The following NFS1 variants were observed in gnomAD, a reference collection of about 807,000 sequenced individuals.
The protein encoded by NFS1 is NFS1 cysteine desulfurase, also known as cysteine desulfurase.
Under a neutral mutation model 57.3 loss-of-function variants are expected in NFS1, and 26 were observed. That is an observed-to-expected ratio of 0.45 (90% CI 0.33 to 0.63). NFS1 has a LOEUF of 0.63. Among genes scored for constraint, NFS1 ranks in the 20% least tolerant of loss-of-function variants. NFS1 has a pLI of 0.02. For synonymous variants in NFS1, 209 were observed against 216.3 expected (o/e 0.97, Z 0.30); for missense variants, 505 against 605.8 (o/e 0.83, Z 1.75).
At position 35,699,177 on chromosome 20, in the gene NFS1, G is replaced by C; in HGVS notation, c.97+15C>G. On this transcript the variant is annotated intron_variant, in intron 1 of 12. Transcript: ENST00000374092. The surrounding 1 kb of genome is among the most constrained non-coding windows in gnomAD (Gnocchi z 4.4). Reference sequence around the variant, plus strand: ...GACAGGTCCGCGCCTCCCGGAGAGCGGGACCCGAGCGTACCGCGCAGGCGC... The same window carrying C: ...GACAGGTCCGCGCCTCCCGGAGAGCCGGACCCGAGCGTACCGCGCAGGCGC... 3 of 1,392,096 alleles carry C rather than the reference G, an allele frequency of 2.2e-6. No homozygotes were observed. Among genetic ancestry groups the C allele is most frequent in the Non-Finnish European group, 2.8e-6 (3 of 1,082,870 alleles). The allele number at this position is 1,392,096 out of a possible 1,614,324, so 86.2% of individuals were successfully genotyped here.
chr20:35,669,753 G>T, intron 12 of NFS1, 68 bp from the exon 13 acceptor site: 1 of 1,455,516 alleles, frequency 6.9e-7, no homozygotes, highest in Non-Finnish European at 9.6e-7. Context: ...TGGCCCCAAG[G>T]CTCTGAGCAA....
intron 4 of NFS1, among the ~76,000 whole-genome samples, chr20:35,693,849 C>T (rs1601536003): frequency 2.6e-5 from 4 of 152,080 alleles, no homozygotes; most frequent in Admixed American, 2.6e-4. Flanking sequence ...GTAGTCCTAC[C>T]TACTCAGGAG....
rs778599214 is a variant in NFS1, at chr20:35,680,848, C to A, written c.679G>T (p.Val227Leu). 28 of 1,548,240 alleles carry A rather than the reference C, an allele frequency of 1.8e-5. No homozygotes were observed. Among genetic ancestry groups the A allele is most frequent in the Non-Finnish European group, 3.5e-6 (4 of 1,149,562 alleles). Residue 227 changes from valine to leucine, a missense_variant, in exon 7 of 13, where the codon GTA (valine) becomes TTA (leucine). Physicochemically the swap from Val to Leu is conservative, Grantham distance 32 (BLOSUM62 1). Coordinates refer to ENST00000374092, the MANE Select transcript of NFS1 (RefSeq NM_021100.5). ...EIGRICSSRK[V>L]YFHTDAAQAV... ...TGGGCTGCATCAGTATGGAAATATA[C>A]CTTTCTGGAACTGCAAATCCGCCCT...
chr20:35,693,513 T>G lies in NFS1; in HGVS notation c.408+2864A>C, dbSNP rs560878710. 2.6e-5 allele frequency among the ~76,000 whole-genome samples: 4 copies of G among 152,246 alleles called. No homozygotes were observed. In the East Asian group the frequency reaches 7.7e-4, roughly 29 times the overall value. ...AATGTGCATCTCTCCCCAGAGCTTA[T>G]AAAAGACTATTACCTTTAACAGCAG... On this transcript the variant is annotated intron_variant, in intron 4 of 12. Transcript: ENST00000374092.
intron 5 of NFS1, 37 bp downstream of exon 5, chr20:35,690,376 C>T (rs2035021508): frequency 6.2e-7 from 1 of 1,600,258 alleles, no homozygotes; most frequent in African/African-American, 1.3e-5. Flanking sequence ...AGCCAGGCTC[C>T]TCCATTTTTG....
At chr20:35,688,193 G>C (rs932745342) in intron 5 of NFS1, among the ~76,000 whole-genome samples, 1 of 152,004 alleles carries the variant, frequency 6.6e-6, no homozygotes, top group Non-Finnish European at 1.5e-5. Context: ...AGGTTGCAAC[G>C]AGCCAAGATC....
At chr20:35,690,047 C>T (rs968584660) in intron 5 of NFS1, among the ~76,000 whole-genome samples, 1 of 151,748 alleles carries the variant, frequency 6.6e-6, no homozygotes, top group Non-Finnish European at 1.5e-5. Flanking sequence ...TGCAGTGAGC[C>T]GAGATCGCGC....
chr20:35,678,820 C>T (rs1029852891), intron 7 of NFS1, among the ~76,000 whole-genome samples: 2 of 152,048 alleles, frequency 1.3e-5, no homozygotes, highest in African/African-American at 4.8e-5. Context: ...GATAGCACCA[C>T]TGCACTCCAG....
intron 4 of NFS1, among the ~76,000 whole-genome samples, 168 bp from the exon 5 acceptor site, chr20:35,690,733 T>C (rs942385045): frequency 4.6e-5 from 7 of 152,126 alleles, no homozygotes; most frequent in African/African-American, 1.4e-4. Context: ...TCTCCAGACT[T>C]AGTGAAAACC....
intron 5 of NFS1, among the ~76,000 whole-genome samples, chr20:35,683,285 C>T (rs1216465071): frequency 6.6e-6 from 1 of 151,632 alleles, no homozygotes; most frequent in African/African-American, 2.4e-5. Flanking sequence ...AGTTCAAGAC[C>T]AGCCTGGCCA....
rs746867900 is a variant in NFS1, at chr20:35,680,749, A to G, written c.778T>C (p.Tyr260His). The G allele has an allele frequency of 1.9e-6, 3 of 1,554,780 alleles. No individual in the cohort carries two copies. Among genetic ancestry groups the G allele is most frequent in the Admixed American group, 3.9e-5 (2 of 51,006 alleles). ...DLMSISGHKIYGPKGVGAIYI... is the reference protein window; with the variant it reads ...DLMSISGHKIHGPKGVGAIYI... ...AAGGGGCTGGTACCTTTGGGACCGTAGATTTTGTGACCACTAATGCTCATG... is the reference window on the plus strand; with the variant it reads ...AAGGGGCTGGTACCTTTGGGACCGTGGATTTTGTGACCACTAATGCTCATG... Residue 260 changes from tyrosine to histidine, a missense_variant, in exon 7 of 13, where the codon TAC becomes CAC. Transcript: ENST00000374092.
intron 7 of NFS1, chr20:35,675,477 T>A (rs1488297951): frequency 4.4e-6 from 2 of 451,824 alleles, no homozygotes; most frequent in African/African-American, 4.1e-5. Context: ...CATTACAGTA[T>A]TATTCATAAT....
Position 35,690,469 on chromosome 20 carries a change from C to T in NFS1, c.505G>A (p.Glu169Lys). The T allele has an allele frequency of 6.2e-7, 1 of 1,614,016 alleles. No homozygotes were observed. Among genetic ancestry groups the T allele is most frequent in the Non-Finnish European group, 8.5e-7 (1 of 1,180,004 alleles). ...GGGAGGTAGGTGACCTGAAAGCCCT[C>T]AGCTTCCAGTGAACGGCAGGAGTCC... ...VLDSCRSLEA[E>K]GFQVTYLPVQ... Residue 169 changes from glutamate to lysine, a missense_variant, in exon 5 of 13, where the codon GAG (glutamate) becomes AAG (lysine). Coordinates refer to ENST00000374092, the MANE Select transcript of NFS1 (RefSeq NM_021100.5).
chr20:35,675,473 A>G (rs1186807041), intron 7 of NFS1: 4 of 470,358 alleles, frequency 8.5e-6, no homozygotes, highest in African/African-American at 6.0e-5. Flanking sequence ...CATACATTAC[A>G]GTATTATTCA....
At position 35,699,194 on chromosome 20, in the gene NFS1, C is replaced by T. The variant is rs1459192800; in HGVS notation, c.95G>A (p.Arg32His). The T allele has an allele frequency of 2.1e-6, 3 of 1,411,288 alleles. No homozygotes were observed. The East Asian group carries it at 8.8e-5, about 41-fold the overall frequency. The allele number at this position is 1,411,288 out of a possible 1,614,324, so 87.4% of individuals were successfully genotyped here. A position where few individuals can be genotyped will look rare whatever the true frequency, so the allele number is the denominator to read the frequency against. Reference protein sequence around the residue: ...PAAPTRGLRLRVGDRAPQSAV... With the variant: ...PAAPTRGLRLHVGDRAPQSAV... ...CGGAGAGCGGGACCCGAGCGTACCGCGCAGGCGCAGCCCCCGAGTGGGCGC... is the reference window on the plus strand; with the variant it reads ...CGGAGAGCGGGACCCGAGCGTACCGTGCAGGCGCAGCCCCCGAGTGGGCGC... The change falls in exon 1 of 13, where the codon CGC (arginine) becomes CAC (histidine). Residue 32 changes from arginine (R) to histidine (H), a missense_variant and splice_region_variant. Arg to His is a conservative substitution (Grantham distance 29). Coordinates refer to ENST00000374092, the MANE Select transcript of NFS1 (RefSeq NM_021100.5). This position sits in a 1 kb window ranked among gnomAD's most constrained non-coding sequence, Gnocchi z 4.4.
intron 7 of NFS1, among the ~76,000 whole-genome samples, chr20:35,678,805 G>C (rs1782878173): frequency 6.6e-6 from 1 of 152,138 alleles, no homozygotes; most frequent in Non-Finnish European, 1.5e-5. Flanking sequence ...GCTGTGGCAA[G>C]GTAGGATAGC....
chr20:35,674,005 C>T, intron 10 of NFS1: 1 of 445,766 alleles, frequency 2.2e-6, no homozygotes, highest in Non-Finnish European at 4.1e-6. Context: ...ACGTAATGCA[C>T]CATCTGCACC....
At position 35,674,386 on chromosome 20, in the gene NFS1, A is replaced by T; in HGVS notation, c.1100T>A (p.Leu367Gln). ...TAAGGCAACGTCCTTCAGTGCCATC[A>T]GCAGACTTTCCCCTTCCACATATGC... ...SFAYVEGESL[L>Q]MALKDVALSS... is the part of the protein sequence containing the mutation. Residue 367 changes from leucine (L) to glutamine (Q), a missense_variant, in exon 10 of 13, where the codon CTG becomes CAG. Coordinates refer to ENST00000374092, the MANE Select transcript of NFS1 (RefSeq NM_021100.5). The T allele has an allele frequency of 6.2e-7, 1 of 1,614,068 alleles. No individual in the cohort carries two copies. The highest frequency in any genetic ancestry group is 8.5e-7 in the Non-Finnish European group (1 of 1,179,948).
At position 35,674,407 on chromosome 20, in the gene NFS1, T is replaced by C. The variant is rs753549696; in HGVS notation, c.1079A>G (p.Tyr360Cys). The C allele has an allele frequency of 1.3e-5, 21 of 1,613,934 alleles. No individual in the cohort carries two copies. The African/African-American group carries it at 2.4e-4, about 18-fold the overall frequency. ...YPGCINLSFA[Y>C]VEGESLLMAL... ...CATCAGCAGACTTTCCCCTTCCACA[T>C]ATGCAAAGGAGAGGTTGATACAGCC... The change falls in exon 10 of 13, where the codon TAT becomes TGT. Residue 360 changes from tyrosine to cysteine, a missense_variant. Transcript: ENST00000374092.
Sources: gnomAD v4.1 joint callset for allele counts (sites outside exome capture counted in the v4.1 genomes callset) on GRCh38, gnomAD v4.1.1 for gene constraint, Gnocchi (gnomAD v3.1) non-coding constraint, MANE v1.5 for transcripts, NCBI Gene and HGNC (gene_info 2026-07-23, HGNC 2026-07-21) for gene names.